JAKMIP3: variants seen among roughly 807,000 people sequenced by gnomAD.
JAKMIP3 encodes the protein janus kinase and microtubule-interacting protein 3.
In JAKMIP3, 58 loss-of-function variants were observed where a neutral mutation model predicts 118.5. The observed-to-expected ratio is 0.49, with a 90% confidence interval of 0.40 to 0.61. The LOEUF is 0.61. Ranked by LOEUF, JAKMIP3 falls within the 20% of genes least tolerant of loss-of-function variation. The probability of loss-of-function intolerance (pLI) is 0.00; values close to 1 mark genes in which losing one functional copy is unlikely to be tolerated. For synonymous variants in JAKMIP3, 486 were observed against 451.2 expected, an observed-to-expected ratio of 1.08 and a Z score of -0.98; for missense variants, 950 against 1,109.0, an observed-to-expected ratio of 0.86 and a Z score of 2.04.
chr10:132,145,626 T>C, intron 13 of JAKMIP3, 46 bp downstream of exon 13: 1 of 1,497,422 alleles, frequency 6.7e-7, no homozygotes, highest in East Asian at 2.5e-5. Flanking sequence ...CGCTCTATGC[T>C]CCTGGGGGTT....
At position 132,044,523 on chromosome 10, in the gene JAKMIP3, A is replaced by T. The variant is rs2037852114; in HGVS notation, c.-138+7785A>T. On this transcript the variant is annotated intron_variant, in intron 1 of 23. Transcript: ENST00000657785. The surrounding 1 kb of genome is among the most constrained non-coding windows in gnomAD (Gnocchi z 5.3). The stretch of plus-strand genomic sequence containing the variant: ...GAGGAGGGTGCGGCCGGTGCAGAGG[A>T]GGATGCAGGAGGAGTGGGAGAAGCC... Among the ~76,000 whole-genome samples the T allele has an allele frequency of 6.6e-6, 1 of 151,924 alleles. No individual in the cohort carries two copies. Among genetic ancestry groups the T allele is most frequent in the South Asian group, 2.1e-4 (1 of 4,810 alleles).
chr10:132,135,553 G>C (rs1180037840), intron 5 of JAKMIP3, among the ~76,000 whole-genome samples: 1 of 78,930 alleles, frequency 1.3e-5, no homozygotes, highest in African/African-American at 3.0e-5. Flanking sequence ...CAGTAGGCTG[G>C]GTGGTTTTAC....
At position 132,183,747 on chromosome 10, in the gene JAKMIP3, C is replaced by A. The variant is rs905608941; in HGVS notation, c.*2494C>A. 34 of 152,294 alleles carry A rather than the reference C, an allele frequency of 2.2e-4. No homozygotes were observed. Among genetic ancestry groups the A allele is most frequent in the African/African-American group, 8.2e-4 (34 of 41,548 alleles). 9.4% of individuals were successfully genotyped at this position (152,294 alleles called of 1,614,324 possible). ...GTTTTCACTCGTCTATCATAGGCAC[C>A]TTCTTTACATCTGATTACAATACCC... On this transcript the variant is annotated 3_prime_UTR_variant, in exon 24 of 24. Transcript: ENST00000684848.
intron 23 of JAKMIP3, among the ~76,000 whole-genome samples, chr10:132,172,964 T>C: frequency 7.7e-6 from 1 of 129,562 alleles, no homozygotes; most frequent in Non-Finnish European, 1.6e-5. Context: ...TCTCTCTCCT[T>C]CCCTCTCTCT....
At chr10:132,092,954 A>G (rs2043284893) in intron 1 of JAKMIP3, among the ~76,000 whole-genome samples, 1 of 152,150 alleles carries the variant, frequency 6.6e-6, no homozygotes, top group African/African-American at 2.4e-5. Flanking sequence ...TTTGGTGTGG[A>G]TGTCCTTTCT....
At chr10:132,119,883 A>C (rs12250783) in intron 3 of JAKMIP3, among the ~76,000 whole-genome samples, 1,630 of 152,320 alleles carry the variant, frequency 0.011, 24 homozygotes, top group African/African-American at 0.037. Flanking sequence ...TGTTACAACC[A>C]ATTCAAATGA....
intron 11 of JAKMIP3, 145 bp from the exon 12 acceptor site, chr10:132,144,958 TAGAA>T (rs758978172): frequency 3.5e-4 from 225 of 648,486 alleles, no homozygotes; most frequent in South Asian, 6.1e-4. Context: ...CTCCCTCTCT[TAGAA>T]AGCATCTCTT....
chr10:132,100,610 GC>G (rs35461609), intron 1 of JAKMIP3, among the ~76,000 whole-genome samples: 2 of 151,940 alleles, frequency 1.3e-5, no homozygotes, highest in Non-Finnish European at 2.9e-5. Flanking sequence ...CGCAGGCCAC[GC>G]CCCCCCAGCA....
intron 1 of JAKMIP3, among the ~76,000 whole-genome samples, chr10:132,053,148 G>C (rs2038145458): frequency 6.6e-6 from 1 of 152,204 alleles, no homozygotes; most frequent in African/African-American, 2.4e-5. Flanking sequence ...AGGCTCTCCA[G>C]TTGGGAACAC....
At position 132,168,473 on chromosome 10, in the gene JAKMIP3, G is replaced by C; in HGVS notation, c.*543G>C. 1 of 1,135,510 alleles carries C rather than the reference G, an allele frequency of 8.8e-7. No individual in the cohort carries two copies. Among genetic ancestry groups the C allele is most frequent in the Non-Finnish European group, 1.2e-6 (1 of 865,474 alleles). The allele number at this position is 1,135,510 out of a possible 1,614,324, so 70.3% of individuals were successfully genotyped here. ...TGGGATGGTCCTGGGAGGGCTCCCC[G>C]ACGCCTCAGGGGCCCCTCCGATGCT... On this transcript the variant is annotated 3_prime_UTR_variant, in exon 23 of 24. Coordinates refer to ENST00000684848, the MANE Select transcript of JAKMIP3 (RefSeq NM_001323087.2).
chr10:132,058,194 C>T (rs182217772), intron 1 of JAKMIP3, among the ~76,000 whole-genome samples: 4 of 152,314 alleles, frequency 2.6e-5, no homozygotes, highest in Admixed American at 1.3e-4. Context: ...CCCATGGATT[C>T]GGCAGTGACT....
chr10:132,105,092 G>A (rs2045702066), intron 2 of JAKMIP3, 149 bp downstream of exon 2: 2 of 928,112 alleles, frequency 2.2e-6, no homozygotes, highest in South Asian at 1.7e-5. Flanking sequence ...CACTTGGTGG[G>A]GGGTGGGGCG....
intron 1 of JAKMIP3, among the ~76,000 whole-genome samples, chr10:132,069,714 G>A (rs925547946): frequency 6.6e-6 from 1 of 152,224 alleles, no homozygotes; most frequent in African/African-American, 2.4e-5. Context: ...GTCTCAGAGT[G>A]GGAAGAAGAG....
intron 1 of JAKMIP3, among the ~76,000 whole-genome samples, chr10:132,085,350 C>T (rs940199456): frequency 6.6e-5 from 10 of 152,108 alleles, no homozygotes; most frequent in African/African-American, 1.4e-4. Context: ...CTAGTTTATA[C>T]GTGTAAGGAT....
intron 1 of JAKMIP3, among the ~76,000 whole-genome samples, chr10:132,095,431 A>C (rs1413319023): frequency 2.9e-4 from 44 of 151,968 alleles, no homozygotes; most frequent in Admixed American, 2.9e-3. Context: ...ATTTCGCTCG[A>C]CTCAGCTCCA....
rs2814173 is a variant in JAKMIP3 at position 132,168,693 on chromosome 10, G to A, written c.*763G>A. The A allele has an allele frequency of 0.1, 31,591 of 311,938 alleles. 1,816 individuals are homozygous for A. Among genetic ancestry groups the A allele is most frequent in the African/African-American group, 0.16 (7,089 of 44,776 alleles). 19.3% of individuals were successfully genotyped at this position (311,938 alleles called of 1,614,324 possible). Reference sequence around the variant, plus strand: ...GCCCAAGCCGCCAGCTGGGAGCACCGCGGGACTGAGCCAAGGAAGGCGTGG... The same window carrying A: ...GCCCAAGCCGCCAGCTGGGAGCACCACGGGACTGAGCCAAGGAAGGCGTGG... On this transcript the variant is annotated 3_prime_UTR_variant, in exon 23 of 24. Transcript: ENST00000684848.
chr10:132,173,006 TCTCTCTCTCCCTCTCTCTCTCCTTCC>T lies in JAKMIP3; in HGVS notation c.*1103+3983_*1103+4008del, dbSNP rs1565005100. ...CTCTCTCTCTCTCTCCTTCCCTCTC[TCTCTCTCTCCCTCTCTCTCTCCTTCC>T]CTCTCTCTCTCCCTCTCTCTCTCCT... On this transcript the variant is annotated intron_variant, in intron 23 of 23. Transcript: ENST00000684848. Among the ~76,000 whole-genome samples, 117 of 16,904 alleles carry T rather than the reference TCTCTCTCTCCCTCTCTCTCTCCTTCC, an allele frequency of 6.9e-3. 11 individuals are homozygous for T. The highest frequency in any genetic ancestry group is 0.022 in the South Asian group (9 of 418). 11.1% of individuals were successfully genotyped at this position (16,904 alleles called of 152,430 possible).
At chr10:132,078,631 G>T (rs911618315) in intron 1 of JAKMIP3, among the ~76,000 whole-genome samples, 1 of 147,792 alleles carries the variant, frequency 6.8e-6, no homozygotes, top group East Asian at 2.2e-4. Flanking sequence ...GGGGGGGGGG[G>T]GGGTCCCGTT....
In JAKMIP3 at chr10:132,160,900, CCTCTTCCTGTGTGATGCTAGGGGGT is replaced by C. The variant is rs1564984880; in HGVS notation, c.2221-2290_2221-2266del. ...TCTCCCTGTGTGATGCAGGCGGTGG[CCTCTTCCTGTGTGATGCTAGGGGGT>C]CTCTTCCTGTGTGATGCTGGGTGGG... is the stretch of plus-strand genomic sequence containing the variant. On this transcript the variant is annotated intron_variant, in intron 19 of 23. Transcript: ENST00000684848. Among the ~76,000 whole-genome samples, 2 of 11,442 alleles carry C rather than the reference CCTCTTCCTGTGTGATGCTAGGGGGT, an allele frequency of 1.7e-4. 1 individual carries two copies. Among genetic ancestry groups the C allele is most frequent in the Non-Finnish European group, 2.6e-4 (2 of 7,570 alleles). The allele number at this position is 11,442 out of a possible 152,430, so 7.5% of individuals were successfully genotyped here. A position where few individuals can be genotyped will look rare whatever the true frequency, so the allele number is the denominator to read the frequency against.
Sources: gnomAD v4.1 joint callset for allele counts (sites outside exome capture counted in the v4.1 genomes callset) on GRCh38, gnomAD v4.1.1 for gene constraint, Gnocchi (gnomAD v3.1) non-coding constraint, MANE v1.5 for transcripts, NCBI Gene and HGNC (gene_info 2026-07-23, HGNC 2026-07-21) for gene names.